Variants in SVEP1 observed in about 807,000 individuals in gnomAD.
SVEP1 encodes the protein sushi, von Willebrand factor type A, EGF and pentraxin domain containing 1.
SVEP1 carries 164 observed loss-of-function variants against 367.3 expected under a neutral mutation model. The observed-to-expected ratio is 0.45, with a 90% confidence interval of 0.39 to 0.51. The LOEUF (loss-of-function observed/expected upper bound fraction) is 0.51, where lower values mean the gene tolerates loss of function less well. SVEP1 is among the 20% of genes least tolerant of loss of function. The pLI is 0.00. For missense variants in SVEP1, 4,117 were observed against 4,425.3 expected (o/e 0.93, Z 1.98); for synonymous variants, 1,666 against 1,611.6 (o/e 1.03, Z -0.81).
At chr9:110,386,101 C>T (rs770281052) in intron 42 of SVEP1, 27 bp from the exon 43 acceptor site, 1 of 1,594,202 alleles carries the variant, frequency 6.3e-7, no homozygotes, top group Non-Finnish European at 8.5e-7. Flanking sequence ...AAAATGCTTA[C>T]TGATATTTCC....
rs114742967 is a variant in SVEP1, at chr9:110,551,682, G to A, written c.532-1578C>T. 2.7e-3 allele frequency among the ~76,000 whole-genome samples: 412 copies of A among 152,212 alleles called. 6 individuals are homozygous for A. The highest frequency in any genetic ancestry group is 9.6e-3 in the African/African-American group (399 of 41,528). On this transcript the variant is annotated intron_variant, in intron 1 of 47. Transcript: ENST00000374469. Reference sequence around the variant, plus strand: ...ACTCTCAAAATTCTTGGCTCTTAAAGTTTAAAAAGCTGCCCTCTTGATGAA... The same window carrying A: ...ACTCTCAAAATTCTTGGCTCTTAAAATTTAAAAAGCTGCCCTCTTGATGAA...
intron 38 of SVEP1, 96 bp from the exon 39 acceptor site, chr9:110,404,648 A>AT (rs1353234317): frequency 3.2e-5 from 37 of 1,138,838 alleles, no homozygotes; most frequent in Non-Finnish European, 4.3e-5. Context: ...GGCTCAGTAG[A>AT]TATTTTGTGC....
At chr9:110,540,881 C>G (rs1053023614) in intron 3 of SVEP1, among the ~76,000 whole-genome samples, 2 of 152,124 alleles carry the variant, frequency 1.3e-5, no homozygotes, top group Admixed American at 6.6e-5. Flanking sequence ...GCGTTCATTT[C>G]AAGGGAAGCC....
chr9:110,449,275 G>C (rs1217027712), intron 24 of SVEP1, among the ~76,000 whole-genome samples: 1 of 151,964 alleles, frequency 6.6e-6, no homozygotes, highest in Admixed American at 6.6e-5. Context: ...AGCCACAAAA[G>C]CTTAGCTTTG....
At chr9:110,470,180 G>C (rs546863612) in intron 16 of SVEP1, among the ~76,000 whole-genome samples, 1 of 152,134 alleles carries the variant, frequency 6.6e-6, no homozygotes, top group Non-Finnish European at 1.5e-5. Flanking sequence ...GGGCTTAAAA[G>C]TTAAGGGGTT....
intron 44 of SVEP1, among the ~76,000 whole-genome samples, 200 bp from the exon 45 acceptor site, chr9:110,377,566 C>T (rs1698081722): frequency 1.3e-5 from 2 of 152,140 alleles, no homozygotes; most frequent in South Asian, 2.1e-4. Flanking sequence ...TCAGTTTTCC[C>T]TGTAGCTTTA....
At chr9:110,385,511 G>T (rs1827506243) in intron 43 of SVEP1, among the ~76,000 whole-genome samples, 1 of 152,154 alleles carries the variant, frequency 6.6e-6, no homozygotes. Context: ...TTCTCTAGGT[G>T]GTTCTGATGC....
chr9:110,532,823 C>A (rs1045601173), intron 3 of SVEP1, among the ~76,000 whole-genome samples: 1 of 151,998 alleles, frequency 6.6e-6, no homozygotes, highest in African/African-American at 2.4e-5. Context: ...CTATGACAAC[C>A]AAAGTTTCCT....
intron 2 of SVEP1, among the ~76,000 whole-genome samples, chr9:110,547,383 T>C (rs1830233385): frequency 6.6e-6 from 1 of 152,166 alleles, no homozygotes; most frequent in African/African-American, 2.4e-5. Context: ...GGTAATGCAG[T>C]GAGACCCTGT....
intron 16 of SVEP1, among the ~76,000 whole-genome samples, chr9:110,470,825 A>G (rs746299940): frequency 1.3e-5 from 2 of 151,360 alleles, no homozygotes; most frequent in Non-Finnish European, 1.5e-5. Flanking sequence ...CCTGTGCACA[A>G]CGTGCAGGTT....
At chr9:110,431,879 G>T in intron 32 of SVEP1, 36 bp downstream of exon 32, 1 of 1,611,682 alleles carries the variant, frequency 6.2e-7, no homozygotes, top group Non-Finnish European at 8.5e-7. Context: ...TAAAAGAATG[G>T]AATTAGGAAC....
intron 36 of SVEP1, among the ~76,000 whole-genome samples, chr9:110,426,330 A>G (rs1431691087): frequency 6.6e-6 from 1 of 152,252 alleles, no homozygotes; most frequent in Non-Finnish European, 1.5e-5. Flanking sequence ...GAAAATACAG[A>G]AACTGCACCA....
chr9:110,471,998 T>C (rs1185290320), intron 15 of SVEP1, among the ~76,000 whole-genome samples, 161 bp downstream of exon 15: 1 of 152,210 alleles, frequency 6.6e-6, no homozygotes, highest in Non-Finnish European at 1.5e-5. Flanking sequence ...TCTATGATAC[T>C]GACAGCAAAA....
intron 1 of SVEP1, among the ~76,000 whole-genome samples, chr9:110,561,204 A>T (rs1251695254): frequency 2.0e-5 from 3 of 151,956 alleles, no homozygotes; most frequent in South Asian, 2.1e-4. Flanking sequence ...AATTCTTAAC[A>T]ACTCTTTCCA....
At chr9:110,394,653 T>G (rs1252101132) in intron 40 of SVEP1, among the ~76,000 whole-genome samples, 1 of 152,058 alleles carries the variant, frequency 6.6e-6, no homozygotes, top group Non-Finnish European at 1.5e-5. Flanking sequence ...AGAGAAGTCC[T>G]TAAAGGACCT....
At chr9:110,406,126 G>A (rs756821752) in intron 38 of SVEP1, 34 bp downstream of exon 38, 95 of 1,514,524 alleles carry the variant, frequency 6.3e-5, no homozygotes, top group Middle Eastern at 3.6e-4. Flanking sequence ...AATCCTGCCC[G>A]CACCCCTTGG....
chr9:110,441,394 C>T (rs1256032413), intron 27 of SVEP1, among the ~76,000 whole-genome samples: 1 of 152,170 alleles, frequency 6.6e-6, no homozygotes, highest in Non-Finnish European at 1.5e-5. Flanking sequence ...TATAAATCAC[C>T]CTTGCTCCCT....
intron 40 of SVEP1, among the ~76,000 whole-genome samples, chr9:110,390,120 TA>T: frequency 1.0e-5 from 1 of 99,220 alleles, no homozygotes; most frequent in East Asian, 8.5e-4. Context: ...TATATATACA[TA>T]CATACTTATA....
At chr9:110,472,776 T>A (rs1564152659) in intron 14 of SVEP1, among the ~76,000 whole-genome samples, 1 of 152,194 alleles carries the variant, frequency 6.6e-6, no homozygotes, top group Non-Finnish European at 1.5e-5. Context: ...TTACTCAAGA[T>A]GCTTTCATCA....
Sources: gnomAD v4.1 joint callset for allele counts (sites outside exome capture counted in the v4.1 genomes callset) on GRCh38, gnomAD v4.1.1 for gene constraint, MANE v1.5 for transcripts, NCBI Gene and HGNC (gene_info 2026-07-23, HGNC 2026-07-21) for gene names.